The following RBFOX1 variants were observed in gnomAD, a reference collection of about 807,000 sequenced individuals.
The protein encoded by RBFOX1 is RNA binding protein fox-1 homolog 1.
RBFOX1 carries 8 observed loss-of-function variants against 57.7 expected under a neutral mutation model. That is an observed-to-expected ratio of 0.14 (90% CI 0.08 to 0.25). The LOEUF is 0.25. RBFOX1 is among the 10% of genes least tolerant of loss of function. RBFOX1 has a pLI of 1.00. For missense variants in RBFOX1, 611 were observed against 548.5 expected, an observed-to-expected ratio of 1.11 and a Z score of -1.14; for synonymous variants, 326 against 222.4, an observed-to-expected ratio of 1.47 and a Z score of -4.15.
intron 1 of RBFOX1, among the ~76,000 whole-genome samples, chr16:6,303,252 C>T (rs749303015): frequency 1.4e-4 from 22 of 152,072 alleles, no homozygotes; most frequent in Non-Finnish European, 2.6e-4. Context: ...CACTTCAGTG[C>T]CATTTTCGTT....
intron 3 of RBFOX1, among the ~76,000 whole-genome samples, chr16:5,772,897 C>G (rs1220696819): frequency 1.3e-5 from 2 of 152,118 alleles, no homozygotes; most frequent in African/African-American, 4.8e-5. Flanking sequence ...GATGAGGGAG[C>G]TGGTTTTGCA....
chr16:6,582,273 C>G (rs577808126), intron 2 of RBFOX1, among the ~76,000 whole-genome samples: 13 of 152,140 alleles, frequency 8.5e-5, no homozygotes, highest in Admixed American at 1.3e-4. Context: ...GCTATTATTT[C>G]TCAGTAATCA....
intron 4 of RBFOX1, among the ~76,000 whole-genome samples, chr16:7,447,198 A>G (rs913351346): frequency 2.0e-4 from 31 of 151,916 alleles, no homozygotes; most frequent in African/African-American, 7.5e-4. Context: ...TTGGGAGGCC[A>G]AGGCTGGCAG....
chr16:5,287,314 A>C (rs1203451973), intron 1 of RBFOX1, among the ~76,000 whole-genome samples: 1 of 151,860 alleles, frequency 6.6e-6, no homozygotes, highest in African/African-American at 2.4e-5. Context: ...AAAAAAAAAA[A>C]AGGTTGGTTG....
chr16:7,470,453 G>A (rs961015115), intron 4 of RBFOX1, among the ~76,000 whole-genome samples: 6 of 151,502 alleles, frequency 4.0e-5, no homozygotes, highest in Admixed American at 2.6e-4. Flanking sequence ...GAGTGGGTGG[G>A]TGGATGAGTG....
At chr16:6,602,320 C>T (rs9935415) in intron 2 of RBFOX1, among the ~76,000 whole-genome samples, 74,171 of 152,082 alleles carry the variant, frequency 0.49, 18,442 homozygotes, top group East Asian at 0.64. Flanking sequence ...GTTTTTAATT[C>T]TGAAAAAGTC....
intron 4 of RBFOX1, among the ~76,000 whole-genome samples, chr16:7,195,038 C>T (rs558440534): frequency 7.4e-6 from 1 of 135,560 alleles, no homozygotes; most frequent in South Asian, 2.3e-4. Flanking sequence ...TATTGTTCTT[C>T]TAATTCTAGC....
chr16:7,488,835 C>A (rs2066143567), intron 4 of RBFOX1, among the ~76,000 whole-genome samples: 1 of 152,198 alleles, frequency 6.6e-6, no homozygotes, highest in Non-Finnish European at 1.5e-5. Flanking sequence ...TCTATACATT[C>A]TCACATCCAT....
chr16:7,337,367 G>A (rs2096809624), intron 4 of RBFOX1, among the ~76,000 whole-genome samples: 1 of 152,182 alleles, frequency 6.6e-6, no homozygotes, highest in East Asian at 1.9e-4. Context: ...GGGCTGTGAA[G>A]CATTAGTAGG....
intron 4 of RBFOX1, among the ~76,000 whole-genome samples, chr16:5,945,154 T>C (rs970156879): frequency 6.6e-6 from 1 of 151,984 alleles, no homozygotes; most frequent in African/African-American, 2.4e-5. Context: ...GGCAGGGACA[T>C]TGAGCAAGTC....
At chr16:6,856,116 C>G (rs4129257) in intron 3 of RBFOX1, among the ~76,000 whole-genome samples, 35,258 of 151,544 alleles carry the variant, frequency 0.23, 4,674 homozygotes, top group Admixed American at 0.36. Flanking sequence ...CCTTTCTTCC[C>G]TTTCCTTCCC....
chr16:7,352,418 G>C (rs1251782707), intron 4 of RBFOX1, among the ~76,000 whole-genome samples: 2 of 152,156 alleles, frequency 1.3e-5, no homozygotes, highest in Non-Finnish European at 2.9e-5. Context: ...GTGTGCTGTT[G>C]TGGGAATGCG....
At chr16:7,262,960 A>T (rs569685976) in intron 4 of RBFOX1, among the ~76,000 whole-genome samples, 1 of 152,058 alleles carries the variant, frequency 6.6e-6, no homozygotes, top group African/African-American at 2.4e-5. Context: ...AATTTCTGGG[A>T]CCTCCACTTA....
chr16:5,992,932 G>A (rs1288865663), intron 4 of RBFOX1, among the ~76,000 whole-genome samples: 1 of 152,154 alleles, frequency 6.6e-6, no homozygotes, highest in East Asian at 1.9e-4. Context: ...GTAAGACTCT[G>A]TCTCAAAAGA....
rs186043509 is a variant in RBFOX1 at position 5,508,634 on chromosome 16, G to A, written c.258+41380G>A. Among the ~76,000 whole-genome samples, 131 of 152,186 alleles carry A rather than the reference G, an allele frequency of 8.6e-4. 2 individuals are homozygous for A. The East Asian group carries it at 0.023, about 27-fold the overall frequency. On this transcript the variant is annotated intron_variant, in intron 2 of 2. Coordinates refer to the RBFOX1 transcript ENST00000585867. ...CCAAGATGTTGGGGGTGGGGGGACT[G>A]CACAGAGCGATTGTACAGAGTGCCA...
At chr16:6,304,479 A>G (rs2079210480) in intron 1 of RBFOX1, among the ~76,000 whole-genome samples, 1 of 152,010 alleles carries the variant, frequency 6.6e-6, no homozygotes, top group African/African-American at 2.4e-5. Flanking sequence ...CTAACGGAGG[A>G]GGAGGACACT....
intron 1 of RBFOX1, among the ~76,000 whole-genome samples, chr16:6,171,618 G>A (rs573746605): frequency 6.6e-6 from 1 of 152,080 alleles, no homozygotes; most frequent in African/African-American, 2.4e-5. Flanking sequence ...AGCATACCTG[G>A]ATTTTCAAGG....
intron 1 of RBFOX1, among the ~76,000 whole-genome samples, chr16:5,340,630 G>A (rs1353948680): frequency 3.3e-5 from 5 of 152,154 alleles, no homozygotes; most frequent in Non-Finnish European, 5.9e-5. Flanking sequence ...GCTTTTGCTG[G>A]TAGGAAACTT....
At chr16:6,832,848 C>G (rs945107853) in intron 3 of RBFOX1, among the ~76,000 whole-genome samples, 3 of 152,226 alleles carry the variant, frequency 2.0e-5, no homozygotes, top group Admixed American at 2.0e-4. Context: ...AGAATCCCAA[C>G]TACGTATCAA....
Sources: allele counts gnomAD v4.1 joint callset (sites outside exome capture counted in the v4.1 genomes callset), GRCh38; gene constraint gnomAD v4.1.1; transcripts MANE v1.5; gene names NCBI Gene and HGNC (gene_info 2026-07-23, HGNC 2026-07-21).